Variants in UNC13A observed in about 807,000 individuals in gnomAD.
UNC13A encodes protein unc-13 homolog A.
Under a neutral mutation model 219.7 loss-of-function variants are expected in UNC13A, and 61 were observed. The ratio of observed to expected loss-of-function variants is 0.28; its 90% CI spans 0.23 to 0.34. The LOEUF is 0.34. Among genes scored for constraint, UNC13A ranks in the 10% least tolerant of loss-of-function variants. The probability of loss-of-function intolerance (pLI) is 1.00; values close to 1 mark genes in which losing one functional copy is unlikely to be tolerated. For missense variants in UNC13A, 1,476 were observed against 2,270.3 expected, an observed-to-expected ratio of 0.65 and a Z score of 7.11; for synonymous variants, 920 against 884.6, an observed-to-expected ratio of 1.04 and a Z score of -0.71.
chr19:17,669,823 C>T, intron 4 of UNC13A, 147 bp from the exon 5 acceptor site: 3 of 890,420 alleles, frequency 3.4e-6, no homozygotes, highest in Non-Finnish European at 4.7e-6. Context: ...GTCCTTCCTT[C>T]CTTCCCTTCC....
intron 25 of UNC13A, among the ~76,000 whole-genome samples, chr19:17,638,556 G>A (rs1401780757): frequency 6.6e-6 from 1 of 152,152 alleles, no homozygotes; most frequent in South Asian, 2.1e-4. Context: ...GCTGGGAGTG[G>A]TGGCTCACGC....
Position 17,617,853 on chromosome 19 carries a change from G to A in UNC13A, c.4411-4C>T, listed in dbSNP as rs756018310. Reference sequence around the variant, plus strand: ...CGCCACCCGCGTGGAAATATTGCTGGGGAGGACAGGGTGGGGAGAGGTGAG... The same window carrying A: ...CGCCACCCGCGTGGAAATATTGCTGAGGAGGACAGGGTGGGGAGAGGTGAG... On this transcript the variant is annotated splice_polypyrimidine_tract_variant and splice_region_variant and intron_variant, in intron 40 of 43. Transcript: ENST00000519716. The A allele has an allele frequency of 4.3e-6, 7 of 1,613,742 alleles. No homozygotes were observed. The highest frequency in any genetic ancestry group is 5.9e-6 in the Non-Finnish European group (7 of 1,179,818).
At chr19:17,638,740 A>C (rs1248439588) in intron 25 of UNC13A, among the ~76,000 whole-genome samples, 1 of 151,294 alleles carries the variant, frequency 6.6e-6, no homozygotes, top group East Asian at 2.0e-4. Context: ...GAGGCAGGAG[A>C]ATCATTTAAA....
intron 1 of UNC13A, among the ~76,000 whole-genome samples, chr19:17,676,431 A>G (rs1303516665): frequency 5.9e-5 from 9 of 151,972 alleles, no homozygotes; most frequent in Non-Finnish European, 1.3e-4. Flanking sequence ...GCCTTTACCC[A>G]CAATTGAACA....
At chr19:17,641,335 G>C (rs756795933) in intron 21 of UNC13A, 58 bp downstream of exon 21, 15 of 1,587,546 alleles carry the variant, frequency 9.4e-6, no homozygotes, top group Non-Finnish European at 1.3e-5. Context: ...CCCCAGACCT[G>C]CCAGTGCCCA....
In UNC13A at chr19:17,610,089, G is replaced by A. The variant is rs754629185; in HGVS notation, c.4662C>T (p.Ala1554=). The stretch of plus-strand genomic sequence containing the variant: ...CAGAAGTCTGCCACTTGAGGTCATT[G>A]GCAGCCACCACTGTTGGAGGAAGTA... ...EHKVTVKVVA[A]NDLKWQTSGI... Residue 1554 remains alanine, a synonymous_variant, in exon 43 of 44, where the codon GCC becomes GCT. Coordinates refer to ENST00000519716, the MANE Select transcript of UNC13A (RefSeq NM_001080421.3). 1.9e-6 allele frequency: 3 copies of A among 1,614,028 alleles called. No individual in the cohort carries two copies. The highest frequency in any genetic ancestry group is 2.5e-6 in the Non-Finnish European group (3 of 1,179,898).
At chr19:17,619,247 G>A (rs954373) in intron 38 of UNC13A, among the ~76,000 whole-genome samples, 51,590 of 137,228 alleles carry the variant, frequency 0.38, 9,191 homozygotes, top group African/African-American at 0.42. Context: ...TGGGTTGGGG[G>A]AGCCTCAGAC....
At position 17,609,372 on chromosome 19, in the gene UNC13A, T is replaced by C. The variant is rs544588311; in HGVS notation, c.4811+568A>G. On this transcript the variant is annotated intron_variant, in intron 43 of 43. Coordinates refer to ENST00000519716, the MANE Select transcript of UNC13A (RefSeq NM_001080421.3). Reference sequence around the variant, plus strand: ...CCCAACTCCAAGAACCTCCATCCAATGTGACCCCACCTCCACCCCACGTGA... The same window carrying C: ...CCCAACTCCAAGAACCTCCATCCAACGTGACCCCACCTCCACCCCACGTGA... Among the ~76,000 whole-genome samples the C allele has an allele frequency of 8.9e-4, 135 of 152,060 alleles. 1 individual carries two copies. The highest frequency in any genetic ancestry group is 3.1e-3 in the African/African-American group (127 of 41,460).
At chr19:17,618,588 G>T in intron 39 of UNC13A, 87 bp from the exon 40 acceptor site, 1 of 1,341,650 alleles carries the variant, frequency 7.5e-7, no homozygotes, top group Non-Finnish European at 1.0e-6. Flanking sequence ...TGTTCAACTT[G>T]GAGGAGCTGG....
intron 43 of UNC13A, among the ~76,000 whole-genome samples, chr19:17,609,636 C>T (rs1204805238): frequency 6.6e-6 from 1 of 152,154 alleles, no homozygotes; most frequent in Non-Finnish European, 1.5e-5. Context: ...CCCTGCCCAC[C>T]ATGCACTTCC....
At chr19:17,652,567 C>T (rs528469406) in intron 12 of UNC13A, 64 bp downstream of exon 12, 19 of 1,608,008 alleles carry the variant, frequency 1.2e-5, no homozygotes, top group South Asian at 6.6e-5. Context: ...GAGGCTCAGG[C>T]GCAAACCAGC....
chr19:17,611,721 G>C (rs1187383891), intron 42 of UNC13A, 42 bp downstream of exon 42: 2 of 1,578,228 alleles, frequency 1.3e-6, no homozygotes, highest in East Asian at 4.5e-5. Context: ...TTTGGTTTCT[G>C]TTTTAGAACC....
intron 41 of UNC13A, among the ~76,000 whole-genome samples, chr19:17,616,120 C>T (rs1214790333): frequency 6.6e-6 from 1 of 152,192 alleles, no homozygotes; most frequent in Non-Finnish European, 1.5e-5. Context: ...GAGCCCAGCT[C>T]TTAACCTGAC....
In UNC13A at chr19:17,627,535, A is replaced by T; in HGVS notation, c.3894T>A (p.Asp1298Glu). Residue 1298 changes from aspartate to glutamate, a missense_variant, in exon 33 of 44, where the codon GAT (aspartate) becomes GAA (glutamate). By Grantham distance (45) the Asp-to-Glu change is conservative (BLOSUM62 2). This residue lies in a region of UNC13A where 218 missense variants were observed against 409.4 expected (regional missense o/e 0.53). Coordinates refer to ENST00000519716, the MANE Select transcript of UNC13A (RefSeq NM_001080421.3). The surrounding 1 kb of genome is among the most constrained non-coding windows in gnomAD (Gnocchi z 4.7). Reference protein sequence around the residue: ...ELQVKLNNVLDELSRVFATSF... With the variant: ...ELQVKLNNVLEELSRVFATSF... Reference sequence around the variant, plus strand: ...TGGTAGCAAACACCCGGCTGAGCTCATCCAAGACGTTATTGAGTTTCACCT... The same window carrying T: ...TGGTAGCAAACACCCGGCTGAGCTCTTCCAAGACGTTATTGAGTTTCACCT... 1 of 1,562,584 alleles carries T rather than the reference A, an allele frequency of 6.4e-7. No homozygotes were observed. The highest frequency in any genetic ancestry group is 8.7e-7 in the Non-Finnish European group (1 of 1,152,858).
At chr19:17,686,913 A>T (rs2080124194) in intron 1 of UNC13A, among the ~76,000 whole-genome samples, 1 of 151,962 alleles carries the variant, frequency 6.6e-6, no homozygotes, top group Non-Finnish European at 1.5e-5. Flanking sequence ...CAGCACACGC[A>T]CGCTTCCTGT....
chr19:17,630,990 G>C (rs2076837255), intron 28 of UNC13A, among the ~76,000 whole-genome samples: 1 of 137,902 alleles, frequency 7.3e-6, no homozygotes, highest in Admixed American at 7.1e-5. Flanking sequence ...GGGAATCCTA[G>C]TTCAGATAAG....
In UNC13A at chr19:17,644,530, T is replaced by G. The variant is rs1414176094; in HGVS notation, c.2356+1144A>C. The stretch of plus-strand genomic sequence containing the variant: ...TTTTTTTCTTTTTCTTTTGTTTTTT[T>G]TTTTTTTTTTTGAGACGGAGTCTTC... On this transcript the variant is annotated intron_variant, in intron 19 of 43. Transcript: ENST00000519716. Among the ~76,000 whole-genome samples the G allele has an allele frequency of 2.1e-3, 301 of 145,834 alleles. 3 individuals carry two copies. Among genetic ancestry groups the G allele is most frequent in the African/African-American group, 7.5e-3 (296 of 39,234 alleles).
At chr19:17,610,143 T>C (rs752702296) in intron 42 of UNC13A, 44 bp from the exon 43 acceptor site, 1 of 1,609,852 alleles carries the variant, frequency 6.2e-7, no homozygotes, top group Non-Finnish European at 8.5e-7. Context: ...GTTCTCCCAG[T>C]TGGAAAAAGT....
At chr19:17,617,907 G>A in intron 40 of UNC13A, 58 bp from the exon 41 acceptor site, 1 of 1,602,022 alleles carries the variant, frequency 6.2e-7, no homozygotes, top group Non-Finnish European at 8.5e-7. Context: ...CCACTCATAG[G>A]GCTGGGTAGC....
Sources: gnomAD v4.1 joint callset for allele counts (sites outside exome capture counted in the v4.1 genomes callset) on GRCh38, gnomAD v4.1.1 for gene constraint, gnomAD v4.1.1 regional missense constraint, Gnocchi (gnomAD v3.1) non-coding constraint, MANE v1.5 for transcripts, NCBI Gene and HGNC (gene_info 2026-07-23, HGNC 2026-07-21) for gene names.